The following SCFD2 variants were observed in gnomAD, a reference collection of about 807,000 sequenced individuals.
SCFD2 encodes the protein sec1 family domain containing 2, also known as sec1 family domain-containing protein 2.
Under a neutral mutation model 58.9 loss-of-function variants are expected in SCFD2, and 54 were observed. The ratio of observed to expected loss-of-function variants is 0.92; its 90% CI spans 0.74 to 1.15. The LOEUF is 1.15. SCFD2 is among the 50% of genes most tolerant of loss of function. SCFD2 has a pLI of 0.00. For missense variants in SCFD2, 805 were observed against 836.6 expected (o/e 0.96, Z 0.47); for synonymous variants, 321 against 335.9 (o/e 0.96, Z 0.49).
chr4:52,901,190 G>A (rs572382116), intron 7 of SCFD2, among the ~76,000 whole-genome samples: 1 of 152,296 alleles, frequency 6.6e-6, no homozygotes, highest in South Asian at 2.1e-4. Flanking sequence ...GATGAACCCG[G>A]TACCTCAGTT....
intron 5 of SCFD2, among the ~76,000 whole-genome samples, chr4:52,996,127 A>G (rs985141921): frequency 6.6e-6 from 1 of 152,204 alleles, no homozygotes; most frequent in African/African-American, 2.4e-5. Flanking sequence ...TCGATTATGG[A>G]AGTTTTTTCC....
rs538293917 is a variant in SCFD2 at position 53,038,432 on chromosome 4, T to C, written c.1561+106901A>G. Among the ~76,000 whole-genome samples, 4 of 152,302 alleles carry C rather than the reference T, an allele frequency of 2.6e-5. No homozygotes were observed. The South Asian group carries it at 8.3e-4, about 32-fold the overall frequency. ...TGGATACAACTCTTCAGATTGATAA[T>C]TGGGCTCCTTTATATTTCCTTACAG... On this transcript the variant is annotated intron_variant, in intron 5 of 8. Transcript: ENST00000401642.
intron 2 of SCFD2, among the ~76,000 whole-genome samples, chr4:53,343,882 G>T (rs1333845296): frequency 1.3e-5 from 2 of 152,246 alleles, no homozygotes; most frequent in African/African-American, 2.4e-5. Flanking sequence ...ATGCAGAAAA[G>T]ACCTTTGACA....
At chr4:53,351,562 C>G (rs1477017472) in intron 2 of SCFD2, among the ~76,000 whole-genome samples, 2 of 152,118 alleles carry the variant, frequency 1.3e-5, no homozygotes, top group Non-Finnish European at 2.9e-5. Context: ...TAGAGTAAGG[C>G]TCACAGTTAA....
chr4:53,188,175 G>A (rs1379861415), intron 4 of SCFD2, among the ~76,000 whole-genome samples: 2 of 152,112 alleles, frequency 1.3e-5, no homozygotes, highest in African/African-American at 2.4e-5. Context: ...TTAATCTCAT[G>A]CTTACTCAGC....
intron 4 of SCFD2, among the ~76,000 whole-genome samples, chr4:53,241,271 G>A (rs1729884147): frequency 6.6e-6 from 1 of 152,182 alleles, no homozygotes; most frequent in Admixed American, 6.5e-5. Context: ...TGGTGCGGTG[G>A]CAACTATAGT....
chr4:52,975,249 G>A (rs1175594049), intron 5 of SCFD2, among the ~76,000 whole-genome samples: 1 of 152,038 alleles, frequency 6.6e-6, no homozygotes, highest in African/African-American at 2.4e-5. Flanking sequence ...CAGAATGGGA[G>A]AAAATTTTTG....
intron 4 of SCFD2, among the ~76,000 whole-genome samples, chr4:53,255,917 C>A (rs1450841749): frequency 1.4e-5 from 2 of 144,086 alleles, no homozygotes; most frequent in Admixed American, 1.3e-4. Flanking sequence ...TAGGGGCGGC[C>A]GGGCAGAGGC....
At chr4:53,099,841 A>G (rs1724780909) in intron 5 of SCFD2, among the ~76,000 whole-genome samples, 1 of 152,196 alleles carries the variant, frequency 6.6e-6, no homozygotes, top group African/African-American at 2.4e-5. Context: ...TGGAGGGGTC[A>G]AACATCCAAA....
chr4:52,968,769 T>C (rs988699503), intron 5 of SCFD2, among the ~76,000 whole-genome samples: 1 of 152,080 alleles, frequency 6.6e-6, no homozygotes, highest in Admixed American at 6.5e-5. Context: ...TGTGCATGTA[T>C]GTATATGTGT....
chr4:53,011,617 A>G (rs1722095083), intron 5 of SCFD2, among the ~76,000 whole-genome samples: 1 of 152,214 alleles, frequency 6.6e-6, no homozygotes, highest in African/African-American at 2.4e-5. Flanking sequence ...GATTTCACCT[A>G]TGAGAGGCAC....
At chr4:53,162,002 G>C (rs1577790541) in intron 4 of SCFD2, among the ~76,000 whole-genome samples, 1 of 152,060 alleles carries the variant, frequency 6.6e-6, no homozygotes, top group Non-Finnish European at 1.5e-5. Context: ...CTTTCCAAAG[G>C]CTTTATAAAA....
At chr4:53,286,949 GGA>G (rs1168642263) in intron 3 of SCFD2, among the ~76,000 whole-genome samples, 1 of 152,114 alleles carries the variant, frequency 6.6e-6, no homozygotes, top group Non-Finnish European at 1.5e-5. Flanking sequence ...CTAGTGCCTG[GGA>G]AGTTACTGTG....
chr4:53,285,897 C>A (rs557443296), intron 3 of SCFD2, among the ~76,000 whole-genome samples: 17 of 152,254 alleles, frequency 1.1e-4, no homozygotes, highest in African/African-American at 3.4e-4. Context: ...CATGGCTGTA[C>A]TACTTCAGAA....
At chr4:53,253,860 G>T (rs1730494821) in intron 4 of SCFD2, among the ~76,000 whole-genome samples, 1 of 148,148 alleles carries the variant, frequency 6.8e-6, no homozygotes, top group Non-Finnish European at 1.5e-5. Flanking sequence ...TGAACATTGT[G>T]CACATGTACC....
intron 5 of SCFD2, among the ~76,000 whole-genome samples, chr4:53,143,052 C>T (rs1011568063): frequency 3.9e-5 from 6 of 151,920 alleles, no homozygotes; most frequent in African/African-American, 7.3e-5. Flanking sequence ...ACAAATTTTC[C>T]TAATATTAGT....
intron 2 of SCFD2, among the ~76,000 whole-genome samples, chr4:53,315,156 T>G (rs1317077993): frequency 6.6e-6 from 1 of 151,482 alleles, no homozygotes; most frequent in Admixed American, 6.6e-5. Context: ...AGGAATGATT[T>G]CTACTGGAAA....
At chr4:53,092,818 GAAAATA>G (rs1724512150) in intron 5 of SCFD2, among the ~76,000 whole-genome samples, 2 of 151,996 alleles carry the variant, frequency 1.3e-5, no homozygotes, top group African/African-American at 4.8e-5. Context: ...TAGGGATGAT[GAAAATA>G]AAAATACAGT....
chr4:53,048,624 C>A (rs1368469652), intron 5 of SCFD2, among the ~76,000 whole-genome samples: 3 of 152,042 alleles, frequency 2.0e-5, no homozygotes, highest in African/African-American at 7.2e-5. Context: ...ATCTGTGGTC[C>A]CAGCTACTAA....
Sources: allele counts gnomAD v4.1 joint callset (sites outside exome capture counted in the v4.1 genomes callset), GRCh38; gene constraint gnomAD v4.1.1; transcripts MANE v1.5; gene names NCBI Gene and HGNC (gene_info 2026-07-23, HGNC 2026-07-21).